Variants in TRIM5 observed in about 807,000 individuals in gnomAD.
TRIM5 encodes tripartite motif-containing protein 5.
Under a neutral mutation model 35.6 loss-of-function variants are expected in TRIM5, and 31 were observed. The observed-to-expected ratio is 0.87, with a 90% CI of 0.65 to 1.18. The LOEUF (loss-of-function observed/expected upper bound fraction) is 1.18. Among genes scored for constraint, TRIM5 ranks in the 50% most tolerant of loss-of-function variants. TRIM5 has a pLI of 0.00. For synonymous variants in TRIM5, 243 were observed against 215.6 expected (o/e 1.13, Z -1.11); for missense variants, 609 against 591.6 (o/e 1.03, Z -0.31).
At chr11:5,602,168 C>T in the TRIM5 span, among the ~76,000 whole-genome samples, 4 of 152,176 alleles carry the variant, frequency 2.6e-5, no homozygotes, top group Non-Finnish European at 4.4e-5. Context: ...AGACCGGGTG[C>T]AGTGGCTCAT....
chr11:5,622,785 G>A, the TRIM5 span, among the ~76,000 whole-genome samples: 3 of 152,204 alleles, frequency 2.0e-5, no homozygotes, highest in African/African-American at 7.2e-5. Context: ...GTAAATGAAA[G>A]AGTATCTGAG....
At chr11:5,589,689 T>A in the TRIM5 span, 1 of 153,444 alleles carries the variant, frequency 6.5e-6, no homozygotes, top group Non-Finnish European at 1.4e-5. Context: ...ATAGGAATGG[T>A]CTACTTGTGA....
chr11:5,594,228 G>A, the TRIM5 span, among the ~76,000 whole-genome samples: 5 of 152,156 alleles, frequency 3.3e-5, no homozygotes, highest in Non-Finnish European at 7.4e-5. Flanking sequence ...AGAAATTATA[G>A]AGAAAATAAA....
At chr11:5,604,866 T>G in the TRIM5 span, 1 of 472,092 alleles carries the variant, frequency 2.1e-6, no homozygotes, top group Non-Finnish European at 3.7e-6. Context: ...TGGCTAGGGG[T>G]CGCCCCAATT....
chr11:5,640,326 T>C, the TRIM5 span, among the ~76,000 whole-genome samples: 1 of 151,096 alleles, frequency 6.6e-6, no homozygotes, highest in Non-Finnish European at 1.5e-5. Flanking sequence ...CCTGTTTTGT[T>C]TTGTTTTTTT....
the TRIM5 span, among the ~76,000 whole-genome samples, chr11:5,653,996 T>C: frequency 6.6e-6 from 1 of 152,120 alleles, no homozygotes; most frequent in Admixed American, 6.5e-5. Context: ...ACTTCTAACA[T>C]TTCTGTTTGG....
the TRIM5 span, chr11:5,655,761 C>T: frequency 1.7e-5 from 14 of 845,126 alleles, no homozygotes; most frequent in Non-Finnish European, 2.0e-5. Context: ...CATATAAAAT[C>T]ATTCAGTGCT....
In TRIM5 at chr11:5,666,001, C is replaced by A; in HGVS notation, c.848G>T (p.Gly283Val). 6.2e-7 allele frequency: 1 copy of A among 1,613,110 alleles called. No homozygotes were observed. The highest frequency in any genetic ancestry group is 8.5e-7 in the Non-Finnish European group (1 of 1,179,740). ...CTCACCTCTAAACACTTCTAGCATT[C>A]CTTTCAGATCAGGAGCTCGAAACAC... Reference protein sequence around the residue: ...RRVFRAPDLKGMLEVFRELTD... With the variant: ...RRVFRAPDLKVMLEVFRELTD... Residue 283 changes from glycine (G) to valine (V), a missense_variant, in exon 6 of 8, where the codon GGA (glycine) becomes GTA (valine). Transcript: ENST00000380034.
the TRIM5 span, chr11:5,632,541 T>C: frequency 6.2e-7 from 1 of 1,613,942 alleles, no homozygotes; most frequent in Non-Finnish European, 8.5e-7. Flanking sequence ...ATCTACAGGC[T>C]AATCAGCATC....
chr11:5,593,775 G>A, the TRIM5 span, among the ~76,000 whole-genome samples: 15 of 152,154 alleles, frequency 9.9e-5, no homozygotes, highest in African/African-American at 3.4e-4. Context: ...CTGCAGCAGT[G>A]GGTCCTGAGT....
the TRIM5 span, among the ~76,000 whole-genome samples, chr11:5,653,632 G>T: frequency 6.6e-6 from 1 of 151,436 alleles, no homozygotes; most frequent in African/African-American, 2.4e-5. Flanking sequence ...GCTGGGATTA[G>T]AAGTGCGCAC....
chr11:5,605,314 C>A, the TRIM5 span: 32 of 1,613,706 alleles, frequency 2.0e-5, no homozygotes, highest in South Asian at 3.2e-4. Flanking sequence ...CTAGCAGCCT[C>A]TTTTTCTTCC....
chr11:5,604,430 G>A, the TRIM5 span: 4 of 1,295,446 alleles, frequency 3.1e-6, no homozygotes, highest in Admixed American at 7.2e-5. Context: ...GGTTAGGACA[G>A]GCTTCTTTTG....
At chr11:5,682,489 G>A (rs1396256636) in intron 1 of TRIM5, among the ~76,000 whole-genome samples, 2 of 152,140 alleles carry the variant, frequency 1.3e-5, no homozygotes, top group Non-Finnish European at 1.5e-5. Context: ...CTGATGAAAT[G>A]ACTGGGAAAG....
downstream of TRIM5, among the ~76,000 whole-genome samples, chr11:5,660,608 A>G (rs1311758938): frequency 6.6e-6 from 1 of 152,112 alleles, no homozygotes; most frequent in African/African-American, 2.4e-5. Context: ...TATATGTTAA[A>G]TTGATTGATT....
rs1851002954 is a variant in TRIM5, at chr11:5,664,881, A to G, written c.1410T>C (p.Ser470=). The G allele has an allele frequency of 6.2e-6, 10 of 1,614,032 alleles. No individual in the cohort carries two copies. The highest frequency in any genetic ancestry group is 8.5e-6 in the Non-Finnish European group (10 of 1,179,994). ...GATTTAAATATGGAAATACAGGCTG[A>G]GAAAAAGAACAGTGAGAAAACTTAT... is the stretch of plus-strand genomic sequence containing the variant. ...LIYKFSHCSF[S]QPVFPYLNPR... Residue 470 remains serine (S), a synonymous_variant, in exon 8 of 8, where the codon TCT becomes TCC. Coordinates refer to ENST00000380034, the MANE Select transcript of TRIM5 (RefSeq NM_033034.3).
rs186819885 is a variant in TRIM5, at chr11:5,667,473, A to G, written c.767+216T>C. 1.3e-3 allele frequency among the ~76,000 whole-genome samples: 204 copies of G among 152,336 alleles called. 5 individuals are homozygous for G. The highest frequency in any genetic ancestry group is 0.013 in the Admixed American group (201 of 15,300). Reference sequence around the variant, plus strand: ...CTCGGCGTCCCAAAGTGCTGGGATTATAGGCTTGAGCCACCACACCTGGCC... The same window carrying G: ...CTCGGCGTCCCAAAGTGCTGGGATTGTAGGCTTGAGCCACCACACCTGGCC... On this transcript the variant is annotated intron_variant, in intron 5 of 7. Coordinates refer to ENST00000380034, the MANE Select transcript of TRIM5 (RefSeq NM_033034.3).
chr11:5,589,261 A>C, the TRIM5 span: 1 of 151,848 alleles, frequency 6.6e-6, no homozygotes, highest in Non-Finnish European at 1.5e-5. Flanking sequence ...AAAATAAAAA[A>C]ATGCTTACTC....
intron 4 of TRIM5, among the ~76,000 whole-genome samples, chr11:5,671,416 T>C (rs1245502643): frequency 6.6e-6 from 1 of 151,276 alleles, no homozygotes; most frequent in African/African-American, 2.4e-5. Context: ...TGCAAATAGG[T>C]TAAAAAACTA....
Sources: gnomAD v4.1 joint callset for allele counts (sites outside exome capture counted in the v4.1 genomes callset) on GRCh38, gnomAD v4.1.1 for gene constraint, MANE v1.5 for transcripts, NCBI Gene and HGNC (gene_info 2026-07-23, HGNC 2026-07-21) for gene names.